The following GSE1 variants were observed in gnomAD, a reference collection of about 807,000 sequenced individuals.
The protein encoded by GSE1 is genetic suppressor element 1.
GSE1 carries 32 observed loss-of-function variants against 112.6 expected under a neutral mutation model. The ratio of observed to expected loss-of-function variants is 0.28; its 90% CI spans 0.21 to 0.38. The LOEUF is 0.38. Ranked by LOEUF, GSE1 falls within the 10% of genes least tolerant of loss-of-function variation. The probability of loss-of-function intolerance (pLI) is 1.00; values close to 1 mark genes in which losing one functional copy is unlikely to be tolerated. For synonymous variants in GSE1, 1,115 were observed against 735.6 expected (o/e 1.52, Z -8.35); for missense variants, 2,348 against 1,699.2 (o/e 1.38, Z -6.71).
rs761961422 is a variant in GSE1 at position 85,661,365 on chromosome 16, G to C, written c.1860G>C (p.Val620=). ...AAFEPSRQAA[V]PLVKVERVFC... is the part of the protein sequence containing the mutation. ...TTGAGCCCAGCCGCCAGGCAGCCGT[G>C]CCGCTGGTGAAGGTGGAGCGGGTCT... Residue 620 remains valine, a synonymous_variant, in exon 9 of 16, where the codon GTG becomes GTC. Transcript: ENST00000253458. 1 of 1,612,268 alleles carries C rather than the reference G, an allele frequency of 6.2e-7. No individual in the cohort carries two copies. Among genetic ancestry groups the C allele is most frequent in the Admixed American group, 1.7e-5 (1 of 60,002 alleles).
At chr16:85,397,117 CT>C (rs2047983854) in intron 2 of GSE1, among the ~76,000 whole-genome samples, 1 of 152,244 alleles carries the variant, frequency 6.6e-6, no homozygotes, top group South Asian at 2.1e-4. Context: ...CCCCTTGCCC[CT>C]GTCCCCCATC....
chr16:85,584,483 T>C (rs74031863), intron 1 of GSE1, among the ~76,000 whole-genome samples: 3,148 of 152,342 alleles, frequency 0.021, 110 homozygotes, highest in African/African-American at 0.07. Context: ...CAATAGTGAA[T>C]GTATTACCTG....
intron 2 of GSE1, among the ~76,000 whole-genome samples, chr16:85,449,132 C>T (rs889318154): frequency 1.3e-5 from 2 of 152,262 alleles, no homozygotes; most frequent in African/African-American, 2.4e-5. Flanking sequence ...AGCAGCTGGC[C>T]GGGGTGCCCT....
At chr16:85,328,164 C>A (rs1429008775) in intron 1 of GSE1, among the ~76,000 whole-genome samples, 1 of 152,242 alleles carries the variant, frequency 6.6e-6, no homozygotes, top group African/African-American at 2.4e-5. Context: ...CTCACCAGGC[C>A]AGGGCAGAAC....
intron 1 of GSE1, among the ~76,000 whole-genome samples, chr16:85,316,854 G>A (rs534462004): frequency 7.9e-5 from 12 of 152,342 alleles, no homozygotes; most frequent in African/African-American, 2.2e-4. Flanking sequence ...CCCGCCCGGC[G>A]TGGCTGCAGC....
intron 1 of GSE1, among the ~76,000 whole-genome samples, chr16:85,574,879 G>T (rs1001564444): frequency 1.3e-5 from 2 of 152,178 alleles, no homozygotes; most frequent in African/African-American, 4.8e-5. Context: ...GGTTATATTG[G>T]GATCTGCGCT....
intron 12 of GSE1, 110 bp from the exon 13 acceptor site, chr16:85,665,866 T>C (rs944786320): frequency 1.9e-6 from 2 of 1,027,890 alleles, no homozygotes; most frequent in Non-Finnish European, 3.0e-6. Flanking sequence ...CTTGGTTCTT[T>C]GCGCTAGGTC....
At chr16:85,323,239 C>G (rs1272408917) in intron 1 of GSE1, among the ~76,000 whole-genome samples, 2 of 152,154 alleles carry the variant, frequency 1.3e-5, no homozygotes, top group African/African-American at 2.4e-5. Context: ...CGTTTTTGTG[C>G]TGTCTCCGGG....
chr16:85,515,209 T>C (rs2051887220), intron 2 of GSE1, among the ~76,000 whole-genome samples: 1 of 152,140 alleles, frequency 6.6e-6, no homozygotes, highest in Admixed American at 6.5e-5. Context: ...GAAATCACAG[T>C]TTCCATCTGC....
At chr16:85,504,535 G>A (rs760689904) in intron 2 of GSE1, among the ~76,000 whole-genome samples, 4 of 152,334 alleles carry the variant, frequency 2.6e-5, no homozygotes, top group African/African-American at 4.8e-5. Context: ...TGAAGCCGAC[G>A]AGTCTTTGGG....
chr16:85,348,174 C>A (rs964314472), intron 1 of GSE1, among the ~76,000 whole-genome samples: 7 of 152,132 alleles, frequency 4.6e-5, no homozygotes, highest in African/African-American at 7.2e-5. Context: ...ATCCATCCAC[C>A]CATTCACTAT....
chr16:85,229,102 C>T (rs1006659452), intron 1 of GSE1, among the ~76,000 whole-genome samples: 6 of 152,218 alleles, frequency 3.9e-5, no homozygotes, highest in Admixed American at 1.3e-4. Flanking sequence ...CAGCCTGCAG[C>T]GTGGGGGTGG....
chr16:85,396,448 T>G (rs1029827068), intron 2 of GSE1, among the ~76,000 whole-genome samples: 3 of 152,154 alleles, frequency 2.0e-5, no homozygotes, highest in Admixed American at 2.0e-4. Context: ...CCCTTCCACC[T>G]CCCCAGCACC....
intron 2 of GSE1, among the ~76,000 whole-genome samples, chr16:85,409,417 T>A (rs1206986192): frequency 3.5e-5 from 1 of 28,388 alleles, no homozygotes; most frequent in Non-Finnish European, 6.5e-5. Context: ...CCCCCCTGGA[T>A]AATCCTCACT....
intron 1 of GSE1, among the ~76,000 whole-genome samples, chr16:85,292,338 T>TG (rs1021820240): frequency 6.7e-6 from 1 of 150,240 alleles, no homozygotes; most frequent in African/African-American, 2.5e-5. Context: ...GTTTTTTTTT[T>TG]TTGTTTTCTG....
intron 2 of GSE1, among the ~76,000 whole-genome samples, chr16:85,526,548 C>A (rs2052370102): frequency 6.6e-6 from 1 of 152,184 alleles, no homozygotes. Context: ...GCTGGGTCAG[C>A]CGGGCAGGCC....
intron 2 of GSE1, among the ~76,000 whole-genome samples, chr16:85,362,966 G>T (rs2047114460): frequency 6.6e-6 from 1 of 150,864 alleles, no homozygotes; most frequent in South Asian, 2.1e-4. Flanking sequence ...CTCCCGAGTA[G>T]CTGGGATTAC....
rs562584577 is a variant in GSE1, at chr16:85,170,148, G to A, written c.624G>A (p.Gly208=). 428 of 985,348 alleles carry A rather than the reference G, an allele frequency of 4.3e-4. 1 individual carries two copies. In the African/African-American group the frequency reaches 6.4e-3, roughly 15 times the overall value. 61.0% of individuals were successfully genotyped at this position (985,348 alleles called of 1,614,324 possible). A position where few individuals can be genotyped will look rare whatever the true frequency, so the allele number is the denominator to read the frequency against. ...CCCCAGGGCCAGGGCCTCGCGGGGG[G>A]CGCGGCCAGGAGTGGAGGCCGGCTC... Residue 208 remains glycine, a synonymous_variant, in exon 1 of 3, where the codon GGG becomes GGA. Transcript: ENST00000637419.
intron 2 of GSE1, among the ~76,000 whole-genome samples, chr16:85,523,215 G>C (rs1007872136): frequency 6.7e-6 from 1 of 150,046 alleles, no homozygotes; most frequent in Non-Finnish European, 1.5e-5. Flanking sequence ...TGTGCCTGTG[G>C]CTGTGTGTCC....
Sources: allele counts gnomAD v4.1 joint callset (sites outside exome capture counted in the v4.1 genomes callset), GRCh38; gene constraint gnomAD v4.1.1; transcripts MANE v1.5; gene names NCBI Gene and HGNC (gene_info 2026-07-23, HGNC 2026-07-21).